Variants in CAPRIN2 observed in about 807,000 individuals in gnomAD.
CAPRIN2 encodes the protein caprin-2.
In CAPRIN2, 66 loss-of-function variants were observed where a neutral mutation model predicts 130.4. The ratio of observed to expected loss-of-function variants is 0.51; its 90% CI spans 0.42 to 0.62. The LOEUF (loss-of-function observed/expected upper bound fraction) is 0.62. CAPRIN2 is among the 20% of genes least tolerant of loss of function. The pLI is 0.00. For synonymous variants in CAPRIN2, 471 were observed against 444.1 expected (o/e 1.06, Z -0.76); for missense variants, 1,185 against 1,246.6 (o/e 0.95, Z 0.74).
intron 9 of CAPRIN2, among the ~76,000 whole-genome samples, chr12:30,724,957 G>A (rs892517875): frequency 6.6e-6 from 1 of 152,072 alleles, no homozygotes; most frequent in Non-Finnish European, 1.5e-5. Flanking sequence ...CCACACCACT[G>A]CACCCTAGCC....
intron 1 of CAPRIN2, among the ~76,000 whole-genome samples, chr12:30,752,071 A>C (rs774827004): frequency 1.3e-5 from 2 of 151,642 alleles, no homozygotes; most frequent in Non-Finnish European, 2.9e-5. Flanking sequence ...GGCACCCCCC[A>C]CCACGCCTGG....
chr12:30,711,351 A>C (rs1347764736), intron 16 of CAPRIN2, among the ~76,000 whole-genome samples: 1 of 152,192 alleles, frequency 6.6e-6, no homozygotes, highest in East Asian at 1.9e-4. Flanking sequence ...TTTAAAAAAC[A>C]CCCACCCTTT....
intron 3 of CAPRIN2, among the ~76,000 whole-genome samples, chr12:30,736,795 A>T (rs778121559): frequency 2.6e-5 from 4 of 152,150 alleles, no homozygotes; most frequent in Non-Finnish European, 5.9e-5. Context: ...CCTGCTTGAG[A>T]GAAGAAAAGA....
In CAPRIN2 at chr12:30,728,563, A is replaced by AG. The variant is rs1350243216; in HGVS notation, c.1782+84_1782+85insC. On this transcript the variant is annotated intron_variant, in intron 8 of 16. Transcript: ENST00000298892. ...GAGTGTTTCTCCATCTCAAAAAAAA[A>AG]AAAAAAAGAGAACTAAAAAGTCATT... 6 of 1,222,052 alleles carry AG rather than the reference A, an allele frequency of 4.9e-6. No individual in the cohort carries two copies. The African/African-American group carries it at 7.6e-5, about 16-fold the overall frequency. 75.7% of individuals were successfully genotyped at this position (1,222,052 alleles called of 1,614,324 possible).
In CAPRIN2 at chr12:30,731,420, ACTTC is replaced by A; in HGVS notation, c.979_982del (p.Glu327TyrfsTer8). 6.2e-7 allele frequency: 1 copy of A among 1,612,972 alleles called. No individual in the cohort carries two copies. The highest frequency in any genetic ancestry group is 8.5e-7 in the Non-Finnish European group (1 of 1,179,216). ...TATTAGCATTTCTTCCTCCAGTGGT[ACTTC>A]CTTTTCCTTGGCATTTTTGGGAACT... On this transcript the variant is annotated frameshift_variant, in exon 6 of 17. Coordinates refer to ENST00000298892, the Ensembl canonical transcript of CAPRIN2. LOFTEE classifies it high-confidence loss of function.
chr12:30,716,781 A>AG (rs2057715740), intron 12 of CAPRIN2, 105 bp from the exon 15 acceptor site: 1 of 921,688 alleles, frequency 1.1e-6, no homozygotes, highest in Non-Finnish European at 1.7e-6. Flanking sequence ...TTTTGCAGGC[A>AG]AAGGACTTGA....
intron 5 of CAPRIN2, among the ~76,000 whole-genome samples, chr12:30,732,155 T>C (rs2062923058): frequency 6.6e-6 from 1 of 152,098 alleles, no homozygotes; most frequent in Non-Finnish European, 1.5e-5. Context: ...TTATGCTGTT[T>C]GTCCTTCCTA....
At chr12:30,743,877 C>T (rs1458133126) in intron 2 of CAPRIN2, among the ~76,000 whole-genome samples, 1 of 152,138 alleles carries the variant, frequency 6.6e-6, no homozygotes, top group Non-Finnish European at 1.5e-5. Context: ...TTTCAAGTAG[C>T]GGTCATACAG....
intron 2 of CAPRIN2, among the ~76,000 whole-genome samples, chr12:30,742,317 T>C (rs10843831): frequency 0.29 from 43,580 of 151,982 alleles, 6,447 homozygotes; most frequent in Non-Finnish European, 0.33. Flanking sequence ...TATGTAATAA[T>C]AACAGTATTA....
At chr12:30,717,856 C>T (rs530914154) in intron 12 of CAPRIN2, among the ~76,000 whole-genome samples, 1 of 152,300 alleles carries the variant, frequency 6.6e-6, no homozygotes, top group South Asian at 2.1e-4. Context: ...TTACATCACA[C>T]AGCACCTGAT....
intron 3 of CAPRIN2, among the ~76,000 whole-genome samples, chr12:30,738,419 T>C (rs1204572660): frequency 1.3e-5 from 2 of 152,142 alleles, no homozygotes; most frequent in African/African-American, 4.8e-5. Flanking sequence ...ATAAGTTCCT[T>C]TTCCTTAAAT....
intron 4 of CAPRIN2, 70 bp from the exon 6 acceptor site, chr12:30,733,781 T>C: frequency 1.0e-6 from 1 of 1,002,222 alleles, no homozygotes; most frequent in Non-Finnish European, 1.6e-6. Flanking sequence ...GCACAATTTA[T>C]GCAATATAAC....
upstream of CAPRIN2, chr12:30,754,692 C>CGCCGGGTCA (rs1404525768): frequency 2.0e-5 from 3 of 152,970 alleles, no homozygotes; most frequent in Non-Finnish European, 2.9e-5. Context: ...TGCCCACCCT[C>CGCCGGGTCA]GCCGGGTCAG....
In CAPRIN2 at chr12:30,711,872, C is replaced by A. The variant is rs1453009304; in HGVS notation, c.2602-243G>T. On this transcript the variant is annotated intron_variant, in intron 15 of 16. Coordinates refer to ENST00000298892, the Ensembl canonical transcript of CAPRIN2. ...ATCAGATCTGTTAATACCTGAAAAA[C>A]AACAAAGCACTTGGAGAATACTATG... 4.7e-6 allele frequency: 3 copies of A among 638,352 alleles called. No homozygotes were observed. In the Admixed American group the frequency reaches 6.3e-5, roughly 13 times the overall value. 39.5% of individuals were successfully genotyped at this position (638,352 alleles called of 1,614,324 possible).
chr12:30,746,558 T>C (rs1236678926), intron 2 of CAPRIN2, among the ~76,000 whole-genome samples: 4 of 151,972 alleles, frequency 2.6e-5, no homozygotes, highest in African/African-American at 4.8e-5. Context: ...GTGGAAGAGG[T>C]TGAGCTTGTG....
intron 2 of CAPRIN2, among the ~76,000 whole-genome samples, chr12:30,747,607 G>A (rs1221138026): frequency 6.6e-6 from 1 of 151,868 alleles, no homozygotes; most frequent in East Asian, 1.9e-4. Context: ...AACCTGGGAG[G>A]TGGAGGTTGC....
At chr12:30,746,246 ATAGAG>A (rs1408223169) in intron 2 of CAPRIN2, among the ~76,000 whole-genome samples, 7 of 152,206 alleles carry the variant, frequency 4.6e-5, no homozygotes, top group African/African-American at 1.7e-4. Flanking sequence ...AACAAAACCC[ATAGAG>A]CTGGGTGCAG....
chr12:30,710,590 AAGCAATATAT>A lies in CAPRIN2; in HGVS notation c.2666-130_2666-121del. 1 of 1,446,494 alleles carries A rather than the reference AAGCAATATAT, an allele frequency of 6.9e-7. No individual in the cohort carries two copies. Among genetic ancestry groups the A allele is most frequent in the Admixed American group, 2.2e-5 (1 of 45,552 alleles). 89.6% of individuals were successfully genotyped at this position (1,446,494 alleles called of 1,614,324 possible). On this transcript the variant is annotated intron_variant, in intron 16 of 16. Transcript: ENST00000298892. The surrounding 1 kb of genome is among the most constrained non-coding windows in gnomAD (Gnocchi z 4.8). ...CATTTTATAGTAAATTCCAAAACAA[AAGCAATATAT>A]AGCTAGATTATACTTTTCTAGATTT...
At chr12:30,723,455 A>T (rs1332296191) in intron 10 of CAPRIN2, 141 bp from the exon 12 acceptor site, 1 of 604,316 alleles carries the variant, frequency 1.7e-6, no homozygotes, top group Admixed American at 3.0e-5. Context: ...TGCACTTTCT[A>T]TTAGAGTTTT....
Sources: gnomAD v4.1 joint callset for allele counts (sites outside exome capture counted in the v4.1 genomes callset) on GRCh38, gnomAD v4.1.1 for gene constraint, Gnocchi (gnomAD v3.1) non-coding constraint, MANE v1.5 for transcripts, NCBI Gene and HGNC (gene_info 2026-07-23, HGNC 2026-07-21) for gene names.